Variants in FOXP2 observed in about 807,000 individuals in gnomAD.
The protein encoded by FOXP2 is forkhead box protein P2.
A neutral mutation model predicts 115.8 loss-of-function variants in FOXP2; 12 were observed. That is an observed-to-expected ratio of 0.10 (90% CI 0.07 to 0.17). The LOEUF is 0.17. Among genes scored for constraint, FOXP2 ranks in the 10% least tolerant of loss-of-function variants. The probability of loss-of-function intolerance (pLI) is 1.00; values close to 1 mark genes in which losing one functional copy is unlikely to be tolerated. For missense variants in FOXP2, 629 were observed against 843.5 expected (o/e 0.75, Z 3.15); for synonymous variants, 328 against 297.7 (o/e 1.10, Z -1.05).
intron 1 of FOXP2, among the ~76,000 whole-genome samples, chr7:114,169,886 C>G (rs1793093280): frequency 6.6e-6 from 1 of 152,116 alleles, no homozygotes; most frequent in African/African-American, 2.4e-5. Context: ...ATGAGAATTT[C>G]CATGCACAAG....
intron 3 of FOXP2, among the ~76,000 whole-genome samples, chr7:114,575,507 G>A (rs1033626619): frequency 6.6e-6 from 1 of 151,788 alleles, no homozygotes; most frequent in Non-Finnish European, 1.5e-5. Flanking sequence ...GATTTAAGTT[G>A]AATACTGACT....
At chr7:114,605,404 A>G (rs1803264280) in intron 3 of FOXP2, among the ~76,000 whole-genome samples, 1 of 152,194 alleles carries the variant, frequency 6.6e-6, no homozygotes, top group Non-Finnish European at 1.5e-5. Flanking sequence ...TTGAACCCCT[A>G]CTATGTGCAA....
intron 9 of FOXP2, chr7:114,653,395 TCC>T: frequency 6.1e-6 from 1 of 165,042 alleles, no homozygotes. Flanking sequence ...AGATGCCGAC[TCC>T]GTGGCAGAGT....
rs1024265564 is a variant in FOXP2, at chr7:114,659,302, T to TTA, written c.1469-47_1469-46dup. 13 of 1,259,904 alleles carry TTA rather than the reference T, an allele frequency of 1.0e-5. No individual in the cohort carries two copies. In the African/African-American group the frequency reaches 1.6e-4, roughly 16 times the overall value. 78.0% of individuals were successfully genotyped at this position (1,259,904 alleles called of 1,614,324 possible). A position where few individuals can be genotyped will look rare whatever the true frequency, so the allele number is the denominator to read the frequency against. ...TACTAGAGGAAATATGAAAATTCAATTATATATAATGTGAATTATTAGCAG... is the reference window on the plus strand; with the variant it reads ...TACTAGAGGAAATATGAAAATTCAATTATATATATAATGTGAATTATTAGCAG... On this transcript the variant is annotated intron_variant, in intron 11 of 16. Transcript: ENST00000350908.
At chr7:114,526,778 T>C (rs970871497) in intron 2 of FOXP2, among the ~76,000 whole-genome samples, 1 of 152,174 alleles carries the variant, frequency 6.6e-6, no homozygotes, top group Non-Finnish European at 1.5e-5. Context: ...TTTTTTAATA[T>C]ATAACAACTT....
intron 1 of FOXP2, among the ~76,000 whole-genome samples, chr7:114,208,346 G>A (rs773677502): frequency 6.6e-6 from 1 of 152,122 alleles, no homozygotes; most frequent in African/African-American, 2.4e-5. Flanking sequence ...TCTTCCATTT[G>A]GAACAGCTGT....
intron 3 of FOXP2, among the ~76,000 whole-genome samples, chr7:114,618,687 T>C (rs1584956973): frequency 6.6e-6 from 1 of 152,330 alleles, no homozygotes; most frequent in East Asian, 1.9e-4. Flanking sequence ...TATCACTTTG[T>C]TCTATTTACT....
intron 10 of FOXP2, chr7:114,656,399 T>C: frequency 3.3e-6 from 1 of 301,578 alleles, no homozygotes; most frequent in South Asian, 2.5e-5. Context: ...ATTTTCTAAA[T>C]ATAACATTGT....
chr7:114,221,536 C>A (rs1363164557), intron 1 of FOXP2, among the ~76,000 whole-genome samples: 1 of 152,024 alleles, frequency 6.6e-6, no homozygotes, highest in African/African-American at 2.4e-5. Context: ...CCATGTGTAT[C>A]TTCCTATTTT....
At chr7:114,599,253 T>C (rs1802890364) in intron 3 of FOXP2, among the ~76,000 whole-genome samples, 1 of 152,174 alleles carries the variant, frequency 6.6e-6, no homozygotes, top group South Asian at 2.1e-4. Flanking sequence ...CATCTGTTTC[T>C]AATTTGCCAA....
At chr7:114,315,143 A>G (rs1029776830) in intron 2 of FOXP2, among the ~76,000 whole-genome samples, 1 of 152,146 alleles carries the variant, frequency 6.6e-6, no homozygotes, top group African/African-American at 2.4e-5. Context: ...AAACTCTGTG[A>G]GGGTTAATTG....
At chr7:114,441,425 C>T (rs1207634357) in intron 2 of FOXP2, among the ~76,000 whole-genome samples, 2 of 152,052 alleles carry the variant, frequency 1.3e-5, no homozygotes, top group Non-Finnish European at 2.9e-5. Context: ...TGCACTGCAG[C>T]CTGGGTGACA....
rs759560418 is a variant in FOXP2 at position 114,689,954 on chromosome 7, A to G, written c.*28A>G. 6.2e-7 allele frequency: 1 copy of G among 1,611,768 alleles called. No homozygotes were observed. Among genetic ancestry groups the G allele is most frequent in the South Asian group, 1.1e-5 (1 of 91,056 alleles). On this transcript the variant is annotated 3_prime_UTR_variant, in exon 17 of 17. Coordinates refer to ENST00000350908, the MANE Select transcript of FOXP2 (RefSeq NM_014491.4). ...ACTGACTTGTGAAACCTCAGCGTGA[A>G]GGGACATATCACTGACCTTCATAAC...
chr7:114,407,741 C>T (rs1321126855), intron 2 of FOXP2, among the ~76,000 whole-genome samples: 1 of 152,000 alleles, frequency 6.6e-6, no homozygotes, highest in Non-Finnish European at 1.5e-5. Flanking sequence ...TTTTCCTTGA[C>T]CTTTGTATTT....
chr7:114,552,591 G>A (rs1396958483), intron 3 of FOXP2, among the ~76,000 whole-genome samples: 1 of 152,128 alleles, frequency 6.6e-6, no homozygotes, highest in African/African-American at 2.4e-5. Context: ...TATTTTAAAA[G>A]TTGGAAGTTT....
chr7:114,611,428 T>C (rs1563032889), intron 3 of FOXP2, among the ~76,000 whole-genome samples: 2 of 152,216 alleles, frequency 1.3e-5, no homozygotes, highest in South Asian at 4.1e-4. Flanking sequence ...ATAACATTTC[T>C]TCATTAATTT....
chr7:114,320,673 G>T (rs1797398997), intron 2 of FOXP2, among the ~76,000 whole-genome samples: 1 of 152,162 alleles, frequency 6.6e-6, no homozygotes, highest in Non-Finnish European at 1.5e-5. Context: ...TGTTCCACAA[G>T]TCTGTCTTCA....
At chr7:114,452,220 T>A (rs1052549954) in intron 2 of FOXP2, among the ~76,000 whole-genome samples, 4 of 152,030 alleles carry the variant, frequency 2.6e-5, no homozygotes, top group Non-Finnish European at 5.9e-5. Context: ...ATTAACAATA[T>A]CTCAATTGAA....
At chr7:114,312,677 A>C (rs965186875) in intron 2 of FOXP2, among the ~76,000 whole-genome samples, 1 of 152,204 alleles carries the variant, frequency 6.6e-6, no homozygotes, top group African/African-American at 2.4e-5. Context: ...CAGCATAAGC[A>C]ACAGAATTTT....
Sources: gnomAD v4.1 joint callset for allele counts (sites outside exome capture counted in the v4.1 genomes callset) on GRCh38, gnomAD v4.1.1 for gene constraint, MANE v1.5 for transcripts, NCBI Gene and HGNC (gene_info 2026-07-23, HGNC 2026-07-21) for gene names.